The following DNAH6 variants were observed in gnomAD, a reference collection of about 807,000 sequenced individuals.
DNAH6 encodes dynein axonemal heavy chain 6.
A neutral mutation model predicts 491.4 loss-of-function variants in DNAH6; 340 were observed. That is an observed-to-expected ratio of 0.69 (90% CI 0.63 to 0.76). The LOEUF is 0.76. Ranked by LOEUF, DNAH6 falls within the 30% of genes least tolerant of loss-of-function variation. DNAH6 has a pLI of 0.00. For synonymous variants in DNAH6, 1,603 were observed against 1,686.1 expected (o/e 0.95, Z 1.21); for missense variants, 4,443 against 4,972.2 (o/e 0.89, Z 3.20).
At chr2:84,791,001 C>T (rs1232368700) in intron 68 of DNAH6, among the ~76,000 whole-genome samples, 2 of 151,876 alleles carry the variant, frequency 1.3e-5, no homozygotes, top group Admixed American at 1.3e-4. Flanking sequence ...ACCAGCCTGG[C>T]CAACATGGTG....
chr2:84,633,862 T>C (rs1039476925), intron 29 of DNAH6, among the ~76,000 whole-genome samples: 2 of 152,136 alleles, frequency 1.3e-5, no homozygotes, highest in African/African-American at 4.8e-5. Flanking sequence ...AAGTAGTATG[T>C]GTTCAGTTGA....
At chr2:84,617,309 TG>T (rs1686952355) in intron 23 of DNAH6, among the ~76,000 whole-genome samples, 1 of 152,054 alleles carries the variant, frequency 6.6e-6, no homozygotes, top group African/African-American at 2.4e-5. Flanking sequence ...TCATGTAAAA[TG>T]GGGTATCCAT....
the DNAH6 span, among the ~76,000 whole-genome samples, chr2:84,495,000 A>G: frequency 5.3e-5 from 8 of 152,208 alleles, no homozygotes; most frequent in African/African-American, 1.9e-4. Flanking sequence ...AGGCTCTCAG[A>G]TGTGTCTCTG....
intron 68 of DNAH6, among the ~76,000 whole-genome samples, chr2:84,795,583 A>G (rs1266292248): frequency 6.6e-6 from 1 of 152,258 alleles, no homozygotes; most frequent in Non-Finnish European, 1.5e-5. Flanking sequence ...GAGGTTGACA[A>G]TGTAGGTATC....
At position 84,818,216 on chromosome 2, in the gene DNAH6, C is replaced by T. The variant is rs79008283; in HGVS notation, c.12374-1089C>T. ...CCACTAATATCCCAAAAAAGAAAGA[C>T]AATCAGACATAATGTGCTTCCTGAT... On this transcript the variant is annotated intron_variant, in intron 76 of 76. Transcript: ENST00000389394. Among the ~76,000 whole-genome samples the T allele has an allele frequency of 7.2e-3, 1,092 of 152,204 alleles. 13 individuals carry two copies. The highest frequency in any genetic ancestry group is 0.024 in the African/African-American group (1,008 of 41,520).
At chr2:84,769,974 C>A (rs1675456978) in intron 64 of DNAH6, among the ~76,000 whole-genome samples, 1 of 152,144 alleles carries the variant, frequency 6.6e-6, no homozygotes, top group South Asian at 2.1e-4. Flanking sequence ...CAGCTTGGCC[C>A]AACCAGGAAG....
intron 70 of DNAH6, among the ~76,000 whole-genome samples, chr2:84,798,464 G>A (rs889403800): frequency 3.3e-5 from 5 of 152,142 alleles, no homozygotes; most frequent in Non-Finnish European, 5.9e-5. Context: ...CCCACACACA[G>A]CCCAGAAGGC....
chr2:84,814,205 C>G (rs1573890915), intron 75 of DNAH6, 83 bp downstream of exon 75: 3 of 1,373,662 alleles, frequency 2.2e-6, no homozygotes, highest in Non-Finnish European at 3.0e-6. Context: ...ATGCCCCACT[C>G]CCCCACCACC....
chr2:84,791,197 A>G (rs1677706751), intron 68 of DNAH6, among the ~76,000 whole-genome samples: 1 of 151,532 alleles, frequency 6.6e-6, no homozygotes, highest in Admixed American at 6.6e-5. Context: ...CTCAAAAAAA[A>G]AAAGAAAAAA....
intron 53 of DNAH6, 95 bp downstream of exon 53, chr2:84,707,114 T>G: frequency 7.5e-7 from 1 of 1,333,058 alleles, no homozygotes; most frequent in Non-Finnish European, 9.9e-7. Context: ...TTTTATCCAA[T>G]GTGTAGAATG....
At chr2:84,724,761 G>A (rs545039337) in intron 60 of DNAH6, among the ~76,000 whole-genome samples, 6 of 152,218 alleles carry the variant, frequency 3.9e-5, no homozygotes, top group African/African-American at 1.4e-4. Context: ...CAGGGCAACT[G>A]GGTTCCAAGA....
chr2:84,608,755 G>C (rs966093246), intron 21 of DNAH6, among the ~76,000 whole-genome samples: 1 of 152,154 alleles, frequency 6.6e-6, no homozygotes, highest in African/African-American at 2.4e-5. Flanking sequence ...CTAACTCAAA[G>C]TCACCAGCTG....
Position 84,653,325 on chromosome 2 carries a change from C to A in DNAH6, c.5085C>A (p.Ile1695=). 2.0e-6 allele frequency: 3 copies of A among 1,520,126 alleles called. No homozygotes were observed. The highest frequency in any genetic ancestry group is 2.5e-5 in the South Asian group (2 of 79,636). 94.2% of individuals were successfully genotyped at this position (1,520,126 alleles called of 1,614,324 possible). A position where few individuals can be genotyped will look rare whatever the true frequency, so the allele number is the denominator to read the frequency against. The part of the protein sequence containing the change: ...LTDDALLFSG[I]ISDLFPGVQI... ...TTTATTTTTGTTTTGACAGTGGAAT[C>A]ATATCTGACCTTTTTCCTGGAGTCC... Residue 1695 remains isoleucine, a synonymous_variant, in exon 34 of 77, where the codon ATC becomes ATA. Transcript: ENST00000389394.
intron 23 of DNAH6, among the ~76,000 whole-genome samples, chr2:84,618,992 C>A (rs2104388112): frequency 6.6e-6 from 1 of 152,290 alleles, no homozygotes; most frequent in East Asian, 1.9e-4. Flanking sequence ...TGGCCTGGGG[C>A]TGTAACTTGC....
the DNAH6 span, among the ~76,000 whole-genome samples, chr2:84,499,708 C>A: frequency 6.6e-6 from 1 of 152,140 alleles, no homozygotes; most frequent in Admixed American, 6.5e-5. Context: ...TTTGTTATTG[C>A]CTATCTTTGG....
At chr2:84,796,480 C>A in intron 69 of DNAH6, 55 bp downstream of exon 69, 1 of 1,409,654 alleles carries the variant, frequency 7.1e-7, no homozygotes, top group Non-Finnish European at 9.4e-7. Context: ...ATGTTGACAG[C>A]ATCTCTCAGT....
chr2:84,656,815 G>A (rs1286468688), intron 35 of DNAH6, among the ~76,000 whole-genome samples: 1 of 151,882 alleles, frequency 6.6e-6, no homozygotes, highest in Non-Finnish European at 1.5e-5. Context: ...TCTTAACAGT[G>A]TGTTTCACAG....
intron 55 of DNAH6, 136 bp downstream of exon 55, chr2:84,709,682 A>G (rs1696849063): frequency 1.0e-6 from 1 of 977,580 alleles, no homozygotes; most frequent in Non-Finnish European, 1.5e-6. Context: ...CCTAGAAGAG[A>G]GTGTTAAAGT....
intron 5 of DNAH6, 127 bp from the exon 6 acceptor site, chr2:84,547,141 A>G: frequency 2.8e-6 from 2 of 711,692 alleles, no homozygotes; most frequent in Non-Finnish European, 4.5e-6. Context: ...TGCATTTTGT[A>G]GTTGTAGCAA....
Sources: gnomAD v4.1 joint callset for allele counts (sites outside exome capture counted in the v4.1 genomes callset) on GRCh38, gnomAD v4.1.1 for gene constraint, MANE v1.5 for transcripts, NCBI Gene and HGNC (gene_info 2026-07-23, HGNC 2026-07-21) for gene names.